TSPOAP1: variants seen among roughly 807,000 people sequenced by gnomAD.
The protein encoded by TSPOAP1 is peripheral-type benzodiazepine receptor-associated protein 1.
In TSPOAP1, 87 loss-of-function variants were observed where a neutral mutation model predicts 197.0. That is an observed-to-expected ratio of 0.44 (90% CI 0.37 to 0.53). TSPOAP1 has a LOEUF of 0.53. Ranked by LOEUF, TSPOAP1 falls within the 20% of genes least tolerant of loss-of-function variation. The pLI is 0.00. For synonymous variants in TSPOAP1, 913 were observed against 998.9 expected, an observed-to-expected ratio of 0.91 and a Z score of 1.62; for missense variants, 2,174 against 2,411.3, an observed-to-expected ratio of 0.90 and a Z score of 2.06.
chr17:58,316,306 A>G, intron 15 of TSPOAP1, 119 bp downstream of exon 15: 1 of 1,097,268 alleles, frequency 9.1e-7, no homozygotes, highest in Non-Finnish European at 1.4e-6. Flanking sequence ...TTATTAGAAT[A>G]GGTCCATTGT....
chr17:58,322,637 C>A lies in TSPOAP1; in HGVS notation c.1317+17G>T. On this transcript the variant is annotated intron_variant, in intron 9 of 31. Transcript: ENST00000343736. The surrounding 1 kb of genome is among the most constrained non-coding windows in gnomAD (Gnocchi z 5.0). ...GCCAGGGCCCAGCACCCTCTCCCAC[C>A]TGCACCATCTCCTCACCTTCAGCAC... The A allele has an allele frequency of 6.2e-7, 1 of 1,607,574 alleles. No homozygotes were observed. Among genetic ancestry groups the A allele is most frequent in the Non-Finnish European group, 8.5e-7 (1 of 1,179,924 alleles).
Position 58,310,592 on chromosome 17 carries a change from C to T in TSPOAP1, c.3619G>A (p.Gly1207Arg), listed in dbSNP as rs1305257913. Residue 1207 changes from glycine (G) to arginine (R), a missense_variant, in exon 20 of 32, where the codon GGA (glycine) becomes AGA (arginine). Gly to Arg is a moderately radical substitution (Grantham distance 125). Around this residue, in one of 5 missense-constraint regions of TSPOAP1, gnomAD observed 1,933 missense variants for 2,139.0 expected, o/e 0.90. Coordinates refer to ENST00000343736, the MANE Select transcript of TSPOAP1 (RefSeq NM_004758.4). Reference protein sequence around the residue: ...EACPASSSTQGARAQQAPNTE... With the variant: ...EACPASSSTQRARAQQAPNTE... ...TTTGGCGCCTGCTGGGCCCGTGCTC[C>T]CTGGGTGGAGCTGGAGGCCGGACAG... The T allele has an allele frequency of 3.7e-6, 6 of 1,613,362 alleles. No individual in the cohort carries two copies. In the Admixed American group the frequency reaches 5.0e-5, roughly 13 times the overall value.
chr17:58,305,155 T>C lies in TSPOAP1; in HGVS notation c.5450A>G (p.Gln1817Arg), dbSNP rs760088131. ...GAAGTTGGATGGAACCAGGCCCCTT[T>C]GTCCATTTAATTCCCCCTGGAGAGA... The part of the protein sequence containing the change: ...DGFYYGELNG[Q>R]RGLVPSNFLE... Residue 1817 changes from glutamine to arginine, a missense_variant, in exon 30 of 32, where the codon CAA (glutamine) becomes CGA (arginine). By Grantham distance (43) the Gln-to-Arg change is conservative. Transcript: ENST00000343736. The C allele has an allele frequency of 1.2e-5, 20 of 1,613,476 alleles. No individual in the cohort carries two copies. The Admixed American group carries it at 2.3e-4, about 19-fold the overall frequency.
chr17:58,323,958 G>A (rs1486820703), intron 5 of TSPOAP1, among the ~76,000 whole-genome samples: 1 of 152,146 alleles, frequency 6.6e-6, no homozygotes, highest in African/African-American at 2.4e-5. Context: ...CCCAAGATAG[G>A]GGTTCTGTAT....
chr17:58,305,494 A>T, intron 28 of TSPOAP1, 36 bp from the exon 29 acceptor site: 1 of 1,613,016 alleles, frequency 6.2e-7, no homozygotes, highest in Non-Finnish European at 8.5e-7. Flanking sequence ...AGGCCCAGGA[A>T]GGCTCTGCCA....
intron 25 of TSPOAP1, 112 bp from the exon 26 acceptor site, chr17:58,306,525 G>C: frequency 9.2e-7 from 1 of 1,085,890 alleles, no homozygotes. Context: ...GTTTCGTAAG[G>C]GCATTCATCT....
At chr17:58,305,230 G>C in intron 29 of TSPOAP1, 59 bp from the exon 30 acceptor site, 1 of 1,498,194 alleles carries the variant, frequency 6.7e-7, no homozygotes, top group East Asian at 2.3e-5. Flanking sequence ...CCTGCCCCTC[G>C]ACTCTGATGC....
chr17:58,306,268 C>G (rs1970887599), intron 26 of TSPOAP1, 74 bp downstream of exon 26: 1 of 1,400,374 alleles, frequency 7.1e-7, no homozygotes, highest in South Asian at 1.2e-5. Context: ...TGAGAGAAAA[C>G]AGACAGCCAA....
Position 58,319,103 on chromosome 17 carries a change from C to A in TSPOAP1, c.1686G>T (p.Gly562=). Residue 562 remains glycine, a synonymous_variant, in exon 13 of 32, where the codon GGG becomes GGT. Transcript: ENST00000343736. ...GGTCCACCTTACCTTTGGGGCCAGA[C>A]CCCCGGCAAGGCTGGGGAATGGAGC... is the stretch of plus-strand genomic sequence containing the variant. ...CCCSIPQPCR[G]SGPKDLDLPP... is the part of the protein sequence containing the mutation. 2.6e-6 allele frequency: 4 copies of A among 1,535,792 alleles called. No individual in the cohort carries two copies. The highest frequency in any genetic ancestry group is 2.6e-6 in the Non-Finnish European group (3 of 1,135,136).
chr17:58,323,389 G>A lies in TSPOAP1; in HGVS notation c.1021-8C>T. On this transcript the variant is annotated splice_region_variant and splice_polypyrimidine_tract_variant and intron_variant, in intron 6 of 31. Coordinates refer to ENST00000343736, the MANE Select transcript of TSPOAP1 (RefSeq NM_004758.4). ...CTTGCTGAGCTCCGATTCCTGAGGG[G>A]TCAGAACCAAGTGCTCCTCATGAGG... 6.2e-7 allele frequency: 1 copy of A among 1,614,252 alleles called. No individual in the cohort carries two copies. Among genetic ancestry groups the A allele is most frequent in the Non-Finnish European group, 8.5e-7 (1 of 1,180,034 alleles).
rs1567850925 is a variant in TSPOAP1 at position 58,324,482 on chromosome 17, G to A, written c.942+329C>T. 6.6e-6 allele frequency among the ~76,000 whole-genome samples: 1 copy of A among 151,842 alleles called. No individual in the cohort carries two copies. The highest frequency in any genetic ancestry group is 1.5e-5 in the Non-Finnish European group (1 of 67,900). On this transcript the variant is annotated intron_variant, in intron 5 of 31. Transcript: ENST00000343736. This position sits in a 1 kb window ranked among gnomAD's most constrained non-coding sequence, Gnocchi z 5.8. ...GCGGCGGGAGGAGGCGGCGCGGGCT[G>A]GGCCCCGGGCGGCTGCCAGGACAAC...
chr17:58,311,410 C>G, intron 18 of TSPOAP1, 161 bp downstream of exon 18: 1 of 1,249,758 alleles, frequency 8.0e-7, no homozygotes, highest in South Asian at 1.6e-5. Context: ...GTTCTAAAAT[C>G]TGTCATGTGC....
intron 27 of TSPOAP1, 88 bp from the exon 28 acceptor site, chr17:58,305,731 T>C: frequency 4.0e-6 from 6 of 1,499,046 alleles, no homozygotes; most frequent in Non-Finnish European, 5.5e-6. Context: ...GCTGACCCCC[T>C]GTCACCACCT....
chr17:58,325,660 G>A lies in TSPOAP1; in HGVS notation c.624C>T (p.Ala208=), dbSNP rs1971567859. The change falls in exon 4 of 32, where the codon GCC becomes GCT. Residue 208 remains alanine, a synonymous_variant. Coordinates refer to ENST00000343736, the MANE Select transcript of TSPOAP1 (RefSeq NM_004758.4). Reference sequence around the variant, plus strand: ...GGTCCCGGGCTCGCTGGCGGGCTAGGGCCTTCCGACACAACTCCAAGCTGG... The same window carrying A: ...GGTCCCGGGCTCGCTGGCGGGCTAGAGCCTTCCGACACAACTCCAAGCTGG... ...PGTSLELCRK[A]LARQRARDLS... is the part of the protein sequence containing the mutation. 1 of 1,613,124 alleles carries A rather than the reference G, an allele frequency of 6.2e-7. No individual in the cohort carries two copies. Among genetic ancestry groups the A allele is most frequent in the Non-Finnish European group, 8.5e-7 (1 of 1,179,972 alleles).
chr17:58,325,794 A>G, intron 3 of TSPOAP1, 81 bp from the exon 4 acceptor site: 1 of 1,459,566 alleles, frequency 6.9e-7, no homozygotes, highest in Non-Finnish European at 9.1e-7. Context: ...CCAAAGGAGG[A>G]GTTAGCATGA....
At position 58,305,805 on chromosome 17, in the gene TSPOAP1, C is replaced by T. The variant is rs370997723; in HGVS notation, c.5257+28G>A. 63 of 1,612,114 alleles carry T rather than the reference C, an allele frequency of 3.9e-5. No individual in the cohort carries two copies. In the African/African-American group the frequency reaches 8.0e-4, roughly 20 times the overall value. ...CCACCCACCCTATCTCCTTCCCCAGCCTCCCGGGCCCAGGGATATTCCTTC... is the reference window on the plus strand; with the variant it reads ...CCACCCACCCTATCTCCTTCCCCAGTCTCCCGGGCCCAGGGATATTCCTTC... On this transcript the variant is annotated intron_variant, in intron 27 of 31. Coordinates refer to ENST00000343736, the MANE Select transcript of TSPOAP1 (RefSeq NM_004758.4).
Position 58,310,842 on chromosome 17 carries a change from G to T in TSPOAP1, c.3453C>A (p.Cys1151Ter). The stretch of plus-strand genomic sequence containing the variant: ...CTCTCCCCAGACAGGGTACCTGGGA[G>T]CAAGGTGCTGGAGGGTCCTCGTGGG... ...KGSHEDPPAPCSQEEAGAAVL... is the reference protein window; with the variant it reads ...KGSHEDPPAP The change falls in exon 19 of 32, where the codon TGC becomes TGA. Residue 1151 changes from cysteine (C) to a stop codon, truncating the protein, a stop_gained. Transcript: ENST00000343736. LOFTEE classifies it high-confidence loss of function. The T allele has an allele frequency of 1.3e-6, 2 of 1,558,226 alleles. No homozygotes were observed. The highest frequency in any genetic ancestry group is 1.7e-6 in the Non-Finnish European group (2 of 1,150,758).
chr17:58,316,552 C>G lies in TSPOAP1; in HGVS notation c.1873-12G>C, dbSNP rs761777931. Reference sequence around the variant, plus strand: ...CTGGCTGTGTCCACCTGGGGGCAAACAGAAAGGGCTGGTTTCTCTTCAGGG... The same window carrying G: ...CTGGCTGTGTCCACCTGGGGGCAAAGAGAAAGGGCTGGTTTCTCTTCAGGG... On this transcript the variant is annotated splice_polypyrimidine_tract_variant and intron_variant, in intron 14 of 31. Coordinates refer to ENST00000343736, the MANE Select transcript of TSPOAP1 (RefSeq NM_004758.4). The G allele has an allele frequency of 1.3e-6, 2 of 1,597,736 alleles. No homozygotes were observed. The highest frequency in any genetic ancestry group is 1.1e-5 in the South Asian group (1 of 89,668).
chr17:58,301,321 G>C lies in TSPOAP1; in HGVS notation c.*1159C>G, dbSNP rs1453196831. 3 of 152,590 alleles carry C rather than the reference G, an allele frequency of 2.0e-5. No individual in the cohort carries two copies. The highest frequency in any genetic ancestry group is 4.4e-5 in the Non-Finnish European group (3 of 68,042). The allele number at this position is 152,590 out of a possible 1,614,324, so 9.5% of individuals were successfully genotyped here. On this transcript the variant is annotated 3_prime_UTR_variant, in exon 32 of 32. Transcript: ENST00000343736. ...CCCCTGGAGACCAAGGTCAAGGTGGGGGTTCAGTCAAACTATCTCCCACCA... is the reference window on the plus strand; with the variant it reads ...CCCCTGGAGACCAAGGTCAAGGTGGCGGTTCAGTCAAACTATCTCCCACCA...
Sources: gnomAD v4.1 joint callset for allele counts (sites outside exome capture counted in the v4.1 genomes callset) on GRCh38, gnomAD v4.1.1 for gene constraint, gnomAD v4.1.1 regional missense constraint, Gnocchi (gnomAD v3.1) non-coding constraint, MANE v1.5 for transcripts, NCBI Gene and HGNC (gene_info 2026-07-23, HGNC 2026-07-21) for gene names.